The following MGAT4B variants were observed in gnomAD, a reference collection of about 807,000 sequenced individuals.
MGAT4B encodes the protein alpha-1,3-mannosyl-glycoprotein 4-beta-N-acetylglucosaminyltransferase B.
MGAT4B carries 38 observed loss-of-function variants against 73.9 expected under a neutral mutation model. The observed-to-expected ratio is 0.51, with a 90% CI of 0.40 to 0.67. The LOEUF (loss-of-function observed/expected upper bound fraction) is 0.67, where lower values mean the gene tolerates loss of function less well. MGAT4B is among the 30% of genes least tolerant of loss of function. MGAT4B has a pLI of 0.00. For missense variants in MGAT4B, 686 were observed against 735.2 expected (o/e 0.93, Z 0.77); for synonymous variants, 373 against 313.5 (o/e 1.19, Z -2.01).
intron 9 of MGAT4B, 44 bp downstream of exon 9, chr5:179,799,462 G>A (rs770679576): frequency 1.2e-6 from 2 of 1,612,074 alleles, no homozygotes; most frequent in South Asian, 2.2e-5. Context: ...GAGGCTGCCT[G>A]CCCCTTGGCC....
In MGAT4B at chr5:179,797,785, TG is replaced by T. The variant is rs1165638744; in HGVS notation, c.*259del. On this transcript the variant is annotated 3_prime_UTR_variant, in exon 15 of 15. Coordinates refer to ENST00000292591, the MANE Select transcript of MGAT4B (RefSeq NM_014275.5). ...AAAAGCTCTTCTAAAACGGCCTGACTGGGGCAGGCCGGGTGCGAACGGTTCC... is the reference window on the plus strand; with the variant it reads ...AAAAGCTCTTCTAAAACGGCCTGACTGGGCAGGCCGGGTGCGAACGGTTCC... 1 of 445,854 alleles carries T rather than the reference TG, an allele frequency of 2.2e-6. No homozygotes were observed. The highest frequency in any genetic ancestry group is 4.0e-6 in the Non-Finnish European group (1 of 252,536). 27.6% of individuals were successfully genotyped at this position (445,854 alleles called of 1,614,324 possible). A position where few individuals can be genotyped will look rare whatever the true frequency, so the allele number is the denominator to read the frequency against.
Position 179,806,354 on chromosome 5 carries a change from G to T in MGAT4B, c.97+133C>A. 3.1e-6 allele frequency: 1 copy of T among 325,190 alleles called. No individual in the cohort carries two copies. The highest frequency in any genetic ancestry group is 4.6e-6 in the Non-Finnish European group (1 of 215,678). 20.1% of individuals were successfully genotyped at this position (325,190 alleles called of 1,614,324 possible). On this transcript the variant is annotated intron_variant, in intron 1 of 14. Coordinates refer to ENST00000292591, the MANE Select transcript of MGAT4B (RefSeq NM_014275.5). The surrounding 1 kb of genome is among the most constrained non-coding windows in gnomAD (Gnocchi z 4.6). ...ACAAGTGGGGGAGGGTGGGAGGGGC[G>T]TCCTCGCGCCGCCCGGGCGGGGAAG...
In MGAT4B at chr5:179,806,607, C is replaced by T; in HGVS notation, c.-24G>A. On this transcript the variant is annotated 5_prime_UTR_variant, in exon 1 of 15. Transcript: ENST00000292591. This position sits in a 1 kb window ranked among gnomAD's most constrained non-coding sequence, Gnocchi z 4.6. ...ATCTCCTCGGGTGCGCGGCGGGCGC[C>T]CGCGGGGCCGAGGCTGCATGGCCCG... is the stretch of plus-strand genomic sequence containing the variant. 3 of 1,211,300 alleles carry T rather than the reference C, an allele frequency of 2.5e-6. No homozygotes were observed. Among genetic ancestry groups the T allele is most frequent in the African/African-American group, 1.6e-5 (1 of 61,924 alleles). 75.0% of individuals were successfully genotyped at this position (1,211,300 alleles called of 1,614,324 possible). A position where few individuals can be genotyped will look rare whatever the true frequency, so the allele number is the denominator to read the frequency against.
At position 179,797,796 on chromosome 5, in the gene MGAT4B, GGGTGC is replaced by G. The variant is rs1187457903; in HGVS notation, c.*244_*248del. 1 of 471,700 alleles carries G rather than the reference GGGTGC, an allele frequency of 2.1e-6. No individual in the cohort carries two copies. The highest frequency in any genetic ancestry group is 3.7e-6 in the Non-Finnish European group (1 of 268,736). 29.2% of individuals were successfully genotyped at this position (471,700 alleles called of 1,614,324 possible). ...TAAAACGGCCTGACTGGGGCAGGCC[GGGTGC>G]GAACGGTTCCGGGCCTCAGGCACAG... On this transcript the variant is annotated 3_prime_UTR_variant, in exon 15 of 15. Coordinates refer to ENST00000292591, the MANE Select transcript of MGAT4B (RefSeq NM_014275.5).
chr5:179,800,794 G>T, intron 5 of MGAT4B, 113 bp downstream of exon 5: 3 of 1,234,260 alleles, frequency 2.4e-6, no homozygotes, highest in Non-Finnish European at 3.5e-6. Flanking sequence ...CCAGGTCCCT[G>T]CCTCCCCACG....
chr5:179,800,211 C>T lies in MGAT4B; in HGVS notation c.768G>A (p.Ala256=), dbSNP rs149522860. ...GCACGTAGTAGATGCCTTTGGACTG[C>T]GCGTACATCATGAGGAAGCAGTAAT... ...NLDYCFLMMY[A]QSKGIYYVQL... Residue 256 remains alanine (A), a synonymous_variant, in exon 7 of 15, where the codon GCG becomes GCA. Transcript: ENST00000292591. The T allele has an allele frequency of 4.0e-5, 65 of 1,613,572 alleles. No homozygotes were observed. Among genetic ancestry groups the T allele is most frequent in the African/African-American group, 3.2e-4 (24 of 75,010 alleles).
Position 179,801,615 on chromosome 5 carries a change from G to A in MGAT4B, c.363C>T (p.His121=), listed in dbSNP as rs1756938033. The change falls in exon 3 of 15, where the codon CAC becomes CAT. Residue 121 remains histidine, a synonymous_variant. Transcript: ENST00000292591. The surrounding 1 kb of genome is among the most constrained non-coding windows in gnomAD (Gnocchi z 4.8). The part of the protein sequence containing the change: ...HLPTVFHHLP[H]LLAKESSLQP... The stretch of plus-strand genomic sequence containing the variant: ...GCAGACTGCTCTCCTTGGCCAGCAG[G>A]TGTGGCAGGTGATGGAAGACGGTGG... 3 of 1,606,540 alleles carry A rather than the reference G, an allele frequency of 1.9e-6. No homozygotes were observed. The highest frequency in any genetic ancestry group is 2.7e-5 in the African/African-American group (2 of 75,052).
intron 11 of MGAT4B, 165 bp from the exon 12 acceptor site, chr5:179,798,756 A>C (rs1756769031): frequency 5.6e-6 from 6 of 1,068,496 alleles, no homozygotes; most frequent in Non-Finnish European, 2.7e-6. Flanking sequence ...GACAGGAAAC[A>C]TCCCTGAGCT....
In MGAT4B at chr5:179,798,041, C is replaced by A; in HGVS notation, c.*4G>T. ...GCCACAGGGTACCCTCAGAAGCCCG[C>A]AGCTTAGTCGGCCTTTTTCAGGAAG... On this transcript the variant is annotated 3_prime_UTR_variant, in exon 15 of 15. Transcript: ENST00000292591. 1.2e-6 allele frequency: 2 copies of A among 1,608,016 alleles called. No homozygotes were observed. The highest frequency in any genetic ancestry group is 1.7e-6 in the Non-Finnish European group (2 of 1,177,940).
At chr5:179,798,128 T>C in intron 14 of MGAT4B, 37 bp downstream of exon 14, 1 of 1,592,382 alleles carries the variant, frequency 6.3e-7, no homozygotes, top group Non-Finnish European at 8.5e-7. Context: ...TCTCCCTGGC[T>C]GCTCCCCGTG....
chr5:179,801,247 T>G lies in MGAT4B; in HGVS notation c.558+87A>C, dbSNP rs1756911191. On this transcript the variant is annotated intron_variant, in intron 4 of 14. Transcript: ENST00000292591. The surrounding 1 kb of genome is among the most constrained non-coding windows in gnomAD (Gnocchi z 4.8). Reference sequence around the variant, plus strand: ...AACTAGCAACTGAACTTCCGACAGCTTTCTCCTCGGAATGGTTCCTGCTGT... The same window carrying G: ...AACTAGCAACTGAACTTCCGACAGCGTTCTCCTCGGAATGGTTCCTGCTGT... 6.8e-7 allele frequency: 1 copy of G among 1,473,358 alleles called. No homozygotes were observed. Among genetic ancestry groups the G allele is most frequent in the South Asian group, 1.3e-5 (1 of 74,480 alleles). 91.3% of individuals were successfully genotyped at this position (1,473,358 alleles called of 1,614,324 possible). A position where few individuals can be genotyped will look rare whatever the true frequency, so the allele number is the denominator to read the frequency against.
chr5:179,804,806 C>G (rs912251744), intron 1 of MGAT4B: 2 of 152,186 alleles, frequency 1.3e-5, no homozygotes, highest in African/African-American at 4.8e-5. Flanking sequence ...CTACATGTGA[C>G]AACGAGATGG....
At chr5:179,799,850 G>T in intron 8 of MGAT4B, 104 bp downstream of exon 8, 1 of 1,299,262 alleles carries the variant, frequency 7.7e-7, no homozygotes, top group Non-Finnish European at 1.1e-6. Flanking sequence ...ACCAGGCAGG[G>T]CCCACCTGGG....
intron 1 of MGAT4B, among the ~76,000 whole-genome samples, chr5:179,805,683 G>C (rs1005431180): frequency 3.3e-5 from 5 of 152,256 alleles, no homozygotes; most frequent in African/African-American, 1.2e-4. Context: ...GGAGGCCGAG[G>C]GGCAGCTGGA....
Position 179,806,019 on chromosome 5 carries a change from C to T in MGAT4B, c.97+468G>A, listed in dbSNP as rs1351169322. Among the ~76,000 whole-genome samples, 1 of 151,462 alleles carries T rather than the reference C, an allele frequency of 6.6e-6. No individual in the cohort carries two copies. The highest frequency in any genetic ancestry group is 1.5e-5 in the Non-Finnish European group (1 of 67,730). ...CTCCCTCCCACAGGCCGGATGCTGC[C>T]GACGCGTTCTGGGCGCCGAAGGGAG... is the stretch of plus-strand genomic sequence containing the variant. On this transcript the variant is annotated intron_variant, in intron 1 of 14. Transcript: ENST00000292591. The surrounding 1 kb of genome is among the most constrained non-coding windows in gnomAD (Gnocchi z 4.6).
Position 179,801,661 on chromosome 5 carries a change from T to C in MGAT4B, c.317A>G (p.His106Arg). The C allele has an allele frequency of 6.2e-7, 1 of 1,606,930 alleles. No individual in the cohort carries two copies. The highest frequency in any genetic ancestry group is 1.1e-5 in the South Asian group (1 of 89,672). ...DPRLKPWNGS[H>R]RHVLHLPTVF... ...GGTGGGCAGGTGCAGCACGTGCCGG[T>C]GTGAGCCGTTCCACGGCTTCAATCG... The change falls in exon 3 of 15, where the codon CAC becomes CGC. Residue 106 changes from histidine (H) to arginine (R), a missense_variant. Physicochemically the swap from His to Arg is conservative, Grantham distance 29 (BLOSUM62 0). Coordinates refer to ENST00000292591, the MANE Select transcript of MGAT4B (RefSeq NM_014275.5). This position sits in a 1 kb window ranked among gnomAD's most constrained non-coding sequence, Gnocchi z 4.8.
Position 179,797,951 on chromosome 5 carries a change from G to C in MGAT4B, c.*94C>G. 1.3e-6 allele frequency: 2 copies of C among 1,499,422 alleles called. No homozygotes were observed. Among genetic ancestry groups the C allele is most frequent in the Non-Finnish European group, 1.8e-6 (2 of 1,101,146 alleles). 92.9% of individuals were successfully genotyped at this position (1,499,422 alleles called of 1,614,324 possible). ...GACGCCAGGCAGAACCCTTTGGGCG[G>C]GGCCGTATCTGGCCCTCCGGGGACG... On this transcript the variant is annotated 3_prime_UTR_variant, in exon 15 of 15. Transcript: ENST00000292591.
At position 179,800,170 on chromosome 5, in the gene MGAT4B, G is replaced by A; in HGVS notation, c.795+14C>T. On this transcript the variant is annotated intron_variant, in intron 7 of 14. Coordinates refer to ENST00000292591, the MANE Select transcript of MGAT4B (RefSeq NM_014275.5). ...CGCAGGGCAGGGCAGGGCAACGCAG[G>A]GCTTGGGGCTGACCTGCACGTAGTA... is the stretch of plus-strand genomic sequence containing the variant. 6.2e-7 allele frequency: 1 copy of A among 1,613,532 alleles called. No individual in the cohort carries two copies. The highest frequency in any genetic ancestry group is 8.5e-7 in the Non-Finnish European group (1 of 1,179,824).
chr5:179,806,386 C>G lies in MGAT4B; in HGVS notation c.97+101G>C, dbSNP rs1757156417. On this transcript the variant is annotated intron_variant, in intron 1 of 14. Transcript: ENST00000292591. The surrounding 1 kb of genome is among the most constrained non-coding windows in gnomAD (Gnocchi z 4.6). ...CGCCGCCCGGGCGGGGAAGGGGCGC[C>G]TGCGTCGGCTTCCGGCCGCCTTCCG... 2 of 620,252 alleles carry G rather than the reference C, an allele frequency of 3.2e-6. No homozygotes were observed. The highest frequency in any genetic ancestry group is 4.2e-6 in the Non-Finnish European group (2 of 477,900). 38.4% of individuals were successfully genotyped at this position (620,252 alleles called of 1,614,324 possible).
Sources: allele counts gnomAD v4.1 joint callset (sites outside exome capture counted in the v4.1 genomes callset), GRCh38; gene constraint gnomAD v4.1.1; non-coding constraint Gnocchi (gnomAD v3.1); transcripts MANE v1.5; gene names NCBI Gene and HGNC (gene_info 2026-07-23, HGNC 2026-07-21).